Variants in MYO9A observed in about 807,000 individuals in gnomAD.
MYO9A encodes the protein unconventional myosin-IXa.
A neutral mutation model predicts 293.3 loss-of-function variants in MYO9A; 103 were observed. That is an observed-to-expected ratio of 0.35 (90% CI 0.30 to 0.41). MYO9A has a LOEUF of 0.41. Ranked by LOEUF, MYO9A falls within the 10% of genes least tolerant of loss-of-function variation. The probability of loss-of-function intolerance (pLI) is 1.00; values close to 1 mark genes in which losing one functional copy is unlikely to be tolerated. For missense variants in MYO9A, 2,685 were observed against 3,033.0 expected (o/e 0.89, Z 2.69); for synonymous variants, 1,001 against 1,035.7 (o/e 0.97, Z 0.64).
chr15:72,019,759 C>CT (rs1463277457), intron 5 of MYO9A, among the ~76,000 whole-genome samples: 2 of 151,488 alleles, frequency 1.3e-5, no homozygotes, highest in Admixed American at 6.6e-5. Context: ...TTCTTTTTTT[C>CT]TTTTTTTTGA....
At chr15:72,015,280 A>T (rs763929003) in intron 6 of MYO9A, among the ~76,000 whole-genome samples, 1 of 152,188 alleles carries the variant, frequency 6.6e-6, no homozygotes, top group Non-Finnish European at 1.5e-5. Context: ...AAACTTACAA[A>T]CTGACAGATG....
At chr15:71,974,258 T>C (rs369206843) in intron 12 of MYO9A, among the ~76,000 whole-genome samples, 1 of 151,088 alleles carries the variant, frequency 6.6e-6, no homozygotes, top group Non-Finnish European at 1.5e-5. Flanking sequence ...GATGAAGGAG[T>C]AGGATGGGCA....
intron 1 of MYO9A, among the ~76,000 whole-genome samples, chr15:72,079,773 T>C (rs1567018041): frequency 6.6e-6 from 1 of 152,226 alleles, no homozygotes; most frequent in South Asian, 2.1e-4. Context: ...GGTTTTATAC[T>C]ACATTTAAAA....
intron 22 of MYO9A, 81 bp downstream of exon 22, chr15:71,902,860 T>C (rs1208761580): frequency 1.7e-6 from 2 of 1,149,368 alleles, no homozygotes; most frequent in Admixed American, 3.2e-5. Context: ...ATCTTTTTAA[T>C]AAACAATCTC....
chr15:71,982,005 A>ATTTTTTTTTTTTTT lies in MYO9A; in HGVS notation c.1723-3727_1723-3714dup, dbSNP rs750930471. On this transcript the variant is annotated intron_variant, in intron 11 of 41. Transcript: ENST00000356056. ...TTGTTCAACCTCTAGCCTATTTAGA[A>ATTTTTTTTTTTTTT]TTTTTTTTTTTTTTTTTTTTTTTTT... Among the ~76,000 whole-genome samples, 5 of 56,310 alleles carry ATTTTTTTTTTTTTT rather than the reference A, an allele frequency of 8.9e-5. 1 individual carries two copies. Among genetic ancestry groups the ATTTTTTTTTTTTTT allele is most frequent in the African/African-American group, 3.5e-4 (4 of 11,498 alleles). 36.9% of individuals were successfully genotyped at this position (56,310 alleles called of 152,430 possible).
At chr15:71,924,828 G>A (rs534281600) in intron 18 of MYO9A, among the ~76,000 whole-genome samples, 8 of 152,060 alleles carry the variant, frequency 5.3e-5, no homozygotes, top group African/African-American at 1.9e-4. Flanking sequence ...GTTGAGGCAG[G>A]AGAATCGCTT....
chr15:71,925,362 T>C (rs916095790), intron 18 of MYO9A, among the ~76,000 whole-genome samples: 1 of 151,208 alleles, frequency 6.6e-6, no homozygotes, highest in African/African-American at 2.4e-5. Flanking sequence ...TACATGTATA[T>C]ATACATATAT....
At chr15:71,917,293 T>C (rs567825666) in intron 18 of MYO9A, among the ~76,000 whole-genome samples, 7 of 152,156 alleles carry the variant, frequency 4.6e-5, no homozygotes, top group Admixed American at 3.3e-4. Flanking sequence ...TCCCAGCACT[T>C]TGGGAGACTG....
intron 8 of MYO9A, among the ~76,000 whole-genome samples, chr15:72,002,453 C>T (rs1384597251): frequency 2.0e-5 from 3 of 152,090 alleles, no homozygotes; most frequent in Non-Finnish European, 4.4e-5. Flanking sequence ...ATCCACCTGC[C>T]TTGGCCTCCC....
At chr15:71,892,953 C>A in intron 26 of MYO9A, 1 of 1,242,374 alleles carries the variant, frequency 8.0e-7, no homozygotes, top group Non-Finnish European at 1.0e-6. Context: ...TCTTATATTG[C>A]TGTAAAATTA....
chr15:72,021,557 G>T (rs1437972511), intron 4 of MYO9A, among the ~76,000 whole-genome samples: 1 of 152,092 alleles, frequency 6.6e-6, no homozygotes, highest in African/African-American at 2.4e-5. Context: ...ACTGTCTGGT[G>T]GTTCTCTGTG....
At chr15:71,849,928 A>G in intron 38 of MYO9A, 108 bp downstream of exon 38, 1 of 952,808 alleles carries the variant, frequency 1.0e-6, no homozygotes, top group Non-Finnish European at 1.5e-6. Context: ...AATCTTCTTA[A>G]AAACACCTGA....
At chr15:71,906,817 G>A (rs1337185505) in intron 19 of MYO9A, among the ~76,000 whole-genome samples, 2 of 129,422 alleles carry the variant, frequency 1.5e-5, no homozygotes, top group African/African-American at 3.0e-5. Context: ...AGGCTGGAAT[G>A]CAGTGGCACG....
chr15:72,020,455 A>G (rs748346310), intron 5 of MYO9A, among the ~76,000 whole-genome samples: 1 of 152,196 alleles, frequency 6.6e-6, no homozygotes, highest in Non-Finnish European at 1.5e-5. Flanking sequence ...ATTAAATTAT[A>G]AAAATAGTCA....
intron 14 of MYO9A, among the ~76,000 whole-genome samples, chr15:71,953,028 C>G (rs1316300465): frequency 1.3e-5 from 2 of 152,098 alleles, no homozygotes; most frequent in Non-Finnish European, 2.9e-5. Flanking sequence ...ATATTATACA[C>G]AGAAAACAGG....
intron 1 of MYO9A, among the ~76,000 whole-genome samples, chr15:72,077,338 C>T (rs970627037): frequency 6.6e-6 from 1 of 152,114 alleles, no homozygotes; most frequent in African/African-American, 2.4e-5. Flanking sequence ...AAAGACAAGC[C>T]ACAGACTGAC....
At chr15:71,990,584 T>C (rs1399674160) in intron 11 of MYO9A, among the ~76,000 whole-genome samples, 5 of 151,698 alleles carry the variant, frequency 3.3e-5, no homozygotes, top group African/African-American at 9.7e-5. Context: ...TGAAACCCCA[T>C]CTCTACTAAA....
intron 26 of MYO9A, among the ~76,000 whole-genome samples, chr15:71,889,162 G>T (rs1196480287): frequency 1.3e-5 from 2 of 152,016 alleles, no homozygotes; most frequent in Non-Finnish European, 1.5e-5. Context: ...CACAAAGATA[G>T]AACTCTAGAG....
intron 33 of MYO9A, among the ~76,000 whole-genome samples, chr15:71,861,653 C>A (rs1596052401): frequency 1.4e-5 from 2 of 139,624 alleles, no homozygotes; most frequent in African/African-American, 2.7e-5. Context: ...TACTATGTGC[C>A]ATCACCGTTT....
Sources: allele counts gnomAD v4.1 joint callset (sites outside exome capture counted in the v4.1 genomes callset), GRCh38; gene constraint gnomAD v4.1.1; transcripts MANE v1.5; gene names NCBI Gene and HGNC (gene_info 2026-07-23, HGNC 2026-07-21).